SEMA3A: variants seen among roughly 807,000 people sequenced by gnomAD.
SEMA3A encodes semaphorin 3A, also known as semaphorin-3A.
SEMA3A carries 29 observed loss-of-function variants against 97.9 expected under a neutral mutation model. That is an observed-to-expected ratio of 0.30 (90% CI 0.22 to 0.40). SEMA3A has a LOEUF of 0.40. Among genes scored for constraint, SEMA3A ranks in the 10% least tolerant of loss-of-function variants. The pLI, the probability that SEMA3A is intolerant of heterozygous loss-of-function variation, is 1.00. For missense variants in SEMA3A, 763 were observed against 951.3 expected, an observed-to-expected ratio of 0.80 and a Z score of 2.60; for synonymous variants, 321 against 323.7, an observed-to-expected ratio of 0.99 and a Z score of 0.09.
At chr7:84,151,300 G>T (rs1213273576) in intron 1 of SEMA3A, among the ~76,000 whole-genome samples, 2 of 151,470 alleles carry the variant, frequency 1.3e-5, no homozygotes, top group Non-Finnish European at 3.0e-5. Flanking sequence ...CTGAGCTACG[G>T]GAGGACATTC....
intron 2 of SEMA3A, among the ~76,000 whole-genome samples, chr7:84,371,278 G>A (rs1728226774): frequency 6.6e-6 from 1 of 151,760 alleles, no homozygotes; most frequent in Admixed American, 6.6e-5. Flanking sequence ...ATGGCTCAGA[G>A]ACTTTAATTT....
rs1307023405 is a variant in SEMA3A at position 84,154,867 on chromosome 7, C to T, written c.113-19916G>A. On this transcript the variant is annotated intron_variant, in intron 1 of 16. Transcript: ENST00000265362. ...AATAGAACATGTCACTTTATACTTG[C>T]TATAAGTTTTAAGAGACAATATTTT... 9.9e-5 allele frequency among the ~76,000 whole-genome samples: 15 copies of T among 151,740 alleles called. 1 individual carries two copies. The South Asian group carries it at 3.1e-3, about 32-fold the overall frequency.
At chr7:84,041,306 GA>G (rs1404380557) in intron 6 of SEMA3A, among the ~76,000 whole-genome samples, 3 of 151,804 alleles carry the variant, frequency 2.0e-5, no homozygotes, top group Non-Finnish European at 4.4e-5. Context: ...AGTTCTTTAT[GA>G]AAAAAAGATG....
intron 1 of SEMA3A, among the ~76,000 whole-genome samples, chr7:84,150,443 C>A (rs541336842): frequency 3.7e-4 from 56 of 152,250 alleles, no homozygotes; most frequent in African/African-American, 1.0e-3. Flanking sequence ...GCAAGGGGTC[C>A]GGGAGTTCCC....
At chr7:84,091,569 GC>G (rs1330634175) in intron 4 of SEMA3A, among the ~76,000 whole-genome samples, 3 of 152,120 alleles carry the variant, frequency 2.0e-5, no homozygotes, top group Non-Finnish European at 2.9e-5. Flanking sequence ...TCAGCCGAGT[GC>G]TTTACTAGGT....
chr7:84,371,967 T>C (rs998379223), intron 1 of SEMA3A: 1 of 152,012 alleles, frequency 6.6e-6, no homozygotes, highest in African/African-American at 2.4e-5. Context: ...ACCTTCTTAG[T>C]AAACTGGTTT....
chr7:84,379,048 C>G (rs1803186637), intron 1 of SEMA3A, among the ~76,000 whole-genome samples: 1 of 152,132 alleles, frequency 6.6e-6, no homozygotes, highest in Non-Finnish European at 1.5e-5. Flanking sequence ...CTGCCTCAGC[C>G]TCCTGAGTAG....
At chr7:84,396,647 C>T (rs1013452217) in intron 1 of SEMA3A, among the ~76,000 whole-genome samples, 3 of 151,962 alleles carry the variant, frequency 2.0e-5, no homozygotes, top group Non-Finnish European at 4.4e-5. Flanking sequence ...TGTAAAGAAA[C>T]TGACTTCCAA....
intron 2 of SEMA3A, among the ~76,000 whole-genome samples, chr7:84,370,676 A>G (rs1802951790): frequency 6.6e-6 from 1 of 151,672 alleles, no homozygotes; most frequent in Non-Finnish European, 1.5e-5. Flanking sequence ...TTTTGTTTAG[A>G]CCTCAAATAT....
At chr7:84,197,194 AT>A (rs1408405504), upstream of SEMA3A, among the ~76,000 whole-genome samples, 12 of 152,198 alleles carry the variant, frequency 7.9e-5, no homozygotes, top group South Asian at 2.3e-3. Context: ...TATACACACG[AT>A]TTTTTATAAA....
chr7:84,351,544 T>C (rs1033978158), intron 2 of SEMA3A, among the ~76,000 whole-genome samples: 3 of 151,840 alleles, frequency 2.0e-5, no homozygotes, highest in Non-Finnish European at 4.4e-5. Flanking sequence ...AATAATCAAA[T>C]TCAAAAATGG....
At chr7:84,103,962 A>T (rs1795032976) in intron 4 of SEMA3A, among the ~76,000 whole-genome samples, 1 of 152,126 alleles carries the variant, frequency 6.6e-6, no homozygotes. Context: ...TGTGTAAGGG[A>T]ATCAATCAAA....
chr7:84,404,533 A>C (rs1444280283), intron 1 of SEMA3A, among the ~76,000 whole-genome samples: 1 of 152,188 alleles, frequency 6.6e-6, no homozygotes, highest in South Asian at 2.1e-4. Context: ...AAATTCAGGA[A>C]ACACAGAGAA....
intron 1 of SEMA3A, among the ~76,000 whole-genome samples, chr7:84,171,806 T>A (rs1797391390): frequency 6.7e-6 from 1 of 148,788 alleles, no homozygotes; most frequent in African/African-American, 2.6e-5. Flanking sequence ...TATTTTAAAC[T>A]TTTTTTACTA....
chr7:84,432,042 T>C (rs968945794), intron 1 of SEMA3A, among the ~76,000 whole-genome samples: 5 of 152,094 alleles, frequency 3.3e-5, no homozygotes, highest in African/African-American at 9.7e-5. Context: ...CTGTGGATTA[T>C]TGACCCCCAA....
chr7:84,023,428 C>T (rs1240779872), intron 6 of SEMA3A, among the ~76,000 whole-genome samples: 1 of 152,130 alleles, frequency 6.6e-6, no homozygotes, highest in African/African-American at 2.4e-5. Context: ...TTTGGGGTAT[C>T]TGTAAATTTA....
chr7:84,425,300 T>A (rs1440308634), intron 1 of SEMA3A, among the ~76,000 whole-genome samples: 34 of 120,784 alleles, frequency 2.8e-4, no homozygotes, highest in Admixed American at 7.6e-4. Context: ...TATATTTATA[T>A]AAATATATAA....
At chr7:84,489,723 G>C (rs547835401) in intron 1 of SEMA3A, among the ~76,000 whole-genome samples, 1 of 145,664 alleles carries the variant, frequency 6.9e-6, no homozygotes, top group Non-Finnish European at 1.5e-5. Flanking sequence ...CCTCTTGTGC[G>C]ATGTTGGCGT....
chr7:84,171,248 A>C (rs997136211), intron 1 of SEMA3A, among the ~76,000 whole-genome samples: 3 of 152,150 alleles, frequency 2.0e-5, no homozygotes, highest in African/African-American at 4.8e-5. Context: ...GTGATGAACC[A>C]GTGTTAAAAT....
Sources: allele counts gnomAD v4.1 joint callset (sites outside exome capture counted in the v4.1 genomes callset), GRCh38; gene constraint gnomAD v4.1.1; transcripts MANE v1.5; gene names NCBI Gene and HGNC (gene_info 2026-07-23, HGNC 2026-07-21).